TRRAP: variants seen among roughly 807,000 people sequenced by gnomAD.
TRRAP encodes transformation/transcription domain-associated protein.
A neutral mutation model predicts 438.8 loss-of-function variants in TRRAP; 41 were observed. The ratio of observed to expected loss-of-function variants is 0.09; its 90% CI spans 0.07 to 0.12. TRRAP has a LOEUF of 0.12. TRRAP is among the 10% of genes least tolerant of loss of function. The probability of loss-of-function intolerance (pLI) is 1.00; values close to 1 mark genes in which losing one functional copy is unlikely to be tolerated. For synonymous variants in TRRAP, 1,994 were observed against 1,962.9 expected, an observed-to-expected ratio of 1.02 and a Z score of -0.42; for missense variants, 3,122 against 5,055.1, an observed-to-expected ratio of 0.62 and a Z score of 11.60.
chr7:98,943,684 C>T (rs1790907396), intron 31 of TRRAP, among the ~76,000 whole-genome samples: 2 of 152,298 alleles, frequency 1.3e-5, no homozygotes. Context: ...ATGCTTTCTG[C>T]TGTTTTAAAT....
Position 98,882,584 on chromosome 7 carries a change from A to T in TRRAP, c.150+560A>T, listed in dbSNP as rs184152385. The stretch of plus-strand genomic sequence containing the variant: ...CACCATGTTGGTCAGGCTGGCCTTG[A>T]ACTCCTGACCTCAGGTGATCTACCT... On this transcript the variant is annotated intron_variant, in intron 3 of 72. Coordinates refer to ENST00000456197, the MANE Select transcript of TRRAP (RefSeq NM_001375524.1). Among the ~76,000 whole-genome samples the T allele has an allele frequency of 1.7e-3, 251 of 151,978 alleles. 1 individual carries two copies. The highest frequency in any genetic ancestry group is 5.5e-3 in the African/African-American group (226 of 41,454).
chr7:98,917,601 G>A lies in TRRAP; in HGVS notation c.2544G>A (p.Thr848=), dbSNP rs1446951023. ...CATTGGTCAGCCAAGGCCTCAGGAC[G>A]CTGGAGCTGTGTGTGGACAACCTGC... The part of the protein sequence containing the change: ...SQTLVSQGLR[T]LELCVDNLQP... Residue 848 remains threonine, a synonymous_variant, in exon 20 of 73, where the codon ACG becomes ACA. Transcript: ENST00000456197. The A allele has an allele frequency of 5.0e-6, 8 of 1,614,086 alleles. No homozygotes were observed. The highest frequency in any genetic ancestry group is 1.7e-5 in the Admixed American group (1 of 60,002).
intron 23 of TRRAP, among the ~76,000 whole-genome samples, chr7:98,927,908 T>G (rs1548621): frequency 0.71 from 108,087 of 152,062 alleles, 42,571 homozygotes; most frequent in South Asian, 0.88. Context: ...TTGTTCACTT[T>G]TATTTCCGAT....
At chr7:98,946,647 AAC>A (rs1263145277) in intron 33 of TRRAP, among the ~76,000 whole-genome samples, 1 of 151,312 alleles carries the variant, frequency 6.6e-6, no homozygotes, top group Non-Finnish European at 1.5e-5. Context: ...ATGCACTGAC[AAC>A]ACACATGCAC....
At chr7:98,943,371 G>A (rs1554416107) in intron 31 of TRRAP, among the ~76,000 whole-genome samples, 1 of 152,142 alleles carries the variant, frequency 6.6e-6, no homozygotes, top group African/African-American at 2.4e-5. Context: ...ATGGTGGTGC[G>A]TTCCTCAGCT....
At chr7:98,942,030 G>A (rs1381620719) in intron 30 of TRRAP, among the ~76,000 whole-genome samples, 1 of 152,210 alleles carries the variant, frequency 6.6e-6, no homozygotes, top group African/African-American at 2.4e-5. Flanking sequence ...ACAACGCAGG[G>A]TAATAAATAT....
At chr7:99,007,212 C>T (rs1185173441) in intron 69 of TRRAP, among the ~76,000 whole-genome samples, 2 of 152,218 alleles carry the variant, frequency 1.3e-5, no homozygotes, top group African/African-American at 4.8e-5. Flanking sequence ...AAAGATGGGG[C>T]ACAGCCGTCC....
chr7:98,879,168 C>A (rs1473246469), intron 1 of TRRAP, among the ~76,000 whole-genome samples: 2 of 152,136 alleles, frequency 1.3e-5, no homozygotes, highest in Non-Finnish European at 2.9e-5. Flanking sequence ...GGCAGTTTGT[C>A]CCCAGGAGTA....
At chr7:98,927,090 A>C (rs934217909) in intron 22 of TRRAP, 77 bp from the exon 23 acceptor site, 4 of 1,521,894 alleles carry the variant, frequency 2.6e-6, no homozygotes, top group Admixed American at 1.8e-5. Flanking sequence ...CAGATTAAAA[A>C]TTTGAAAAGA....
Position 98,953,301 on chromosome 7 carries a change from C to T in TRRAP, c.5598C>T (p.Arg1866=), listed in dbSNP as rs781855085. ...DNNKNRNSKL[R]RLMTFAWPCL... is the part of the protein sequence containing the mutation. ...ACAAGAACCGCAACAGCAAGCTGCG[C>T]CGCCTCATGACCTTCGCCTGGCCCT... is the stretch of plus-strand genomic sequence containing the variant. The change falls in exon 40 of 73, where the codon CGC becomes CGT. Residue 1866 remains arginine, a synonymous_variant. Coordinates refer to ENST00000456197, the MANE Select transcript of TRRAP (RefSeq NM_001375524.1). The T allele has an allele frequency of 1.9e-6, 3 of 1,614,022 alleles. No homozygotes were observed. Among genetic ancestry groups the T allele is most frequent in the Non-Finnish European group, 2.5e-6 (3 of 1,180,048 alleles).
intron 18 of TRRAP, among the ~76,000 whole-genome samples, chr7:98,912,710 ATT>A (rs751049923): frequency 3.9e-5 from 6 of 152,108 alleles, no homozygotes; most frequent in Non-Finnish European, 8.8e-5. Context: ...AAACGAACTT[ATT>A]AGAAGGAAAA....
At chr7:98,940,666 T>C (rs1417590827) in intron 30 of TRRAP, among the ~76,000 whole-genome samples, 2 of 152,244 alleles carry the variant, frequency 1.3e-5, no homozygotes, top group African/African-American at 2.4e-5. Flanking sequence ...TCCTCCCTTT[T>C]CTGCTCTCTG....
chr7:98,985,475 C>G (rs1029450831), intron 62 of TRRAP, among the ~76,000 whole-genome samples: 1 of 152,344 alleles, frequency 6.6e-6, no homozygotes, highest in Non-Finnish European at 1.5e-5. Flanking sequence ...ACTGATGTTG[C>G]CTGTGACTGC....
chr7:98,895,587 A>G (rs1000674203), intron 6 of TRRAP, among the ~76,000 whole-genome samples, 177 bp from the exon 7 acceptor site: 1 of 151,910 alleles, frequency 6.6e-6, no homozygotes, highest in East Asian at 1.9e-4. Context: ...AGTCCTTTAT[A>G]TTTACTTATT....
chr7:98,949,669 A>G lies in TRRAP; in HGVS notation c.4963A>G (p.Ile1655Val). The change falls in exon 37 of 73, where the codon ATT becomes GTT. Residue 1655 changes from isoleucine to valine, a missense_variant. Ile to Val is a conservative substitution (Grantham distance 29). Coordinates refer to ENST00000456197, the MANE Select transcript of TRRAP (RefSeq NM_001375524.1). ...LQFQAIKIIS[I>V]IVKNDDSWLA... ...ATCTCTTCTTTGACAGATCATAAGC[A>G]TTATAGTGAAAAACGATGACTCCTG... The G allele has an allele frequency of 6.2e-7, 1 of 1,613,354 alleles. No individual in the cohort carries two copies. Among genetic ancestry groups the G allele is most frequent in the Non-Finnish European group, 8.5e-7 (1 of 1,179,700 alleles).
chr7:98,965,738 C>G lies in TRRAP; in HGVS notation c.7019C>G (p.Thr2340Arg). 2 of 1,614,066 alleles carry G rather than the reference C, an allele frequency of 1.2e-6. No homozygotes were observed. The highest frequency in any genetic ancestry group is 1.7e-6 in the Non-Finnish European group (2 of 1,180,030). ...LVMLSLELVK[T>R]RLAVMSMEMR... ...ATGCTGAGTCTGGAGCTGGTGAAGA[C>G]GCGCCTGGCAGTGATGAGCATGGAG... The change falls in exon 49 of 73, where the codon ACG becomes AGG. Residue 2340 changes from threonine to arginine, a missense_variant. Transcript: ENST00000456197.
intron 38 of TRRAP, 47 bp from the exon 39 acceptor site, chr7:98,950,829 C>T: frequency 6.8e-7 from 1 of 1,477,904 alleles, no homozygotes; most frequent in Non-Finnish European, 9.0e-7. Context: ...AAGAAACAAA[C>T]AGCATGGCTT....
In TRRAP at chr7:98,973,805, A is replaced by G. The variant is rs552808518; in HGVS notation, c.7839+1860A>G. Among the ~76,000 whole-genome samples the G allele has an allele frequency of 1.2e-3, 185 of 152,326 alleles. 1 individual carries two copies. Among genetic ancestry groups the G allele is most frequent in the African/African-American group, 3.9e-3 (163 of 41,568 alleles). On this transcript the variant is annotated intron_variant, in intron 53 of 72. Transcript: ENST00000456197. ...CTCAGTGCCCAGCACAGGTGGGCACACCATCACCCCTGAGCCTGGTGTGCC... is the reference window on the plus strand; with the variant it reads ...CTCAGTGCCCAGCACAGGTGGGCACGCCATCACCCCTGAGCCTGGTGTGCC...
intron 63 of TRRAP, among the ~76,000 whole-genome samples, chr7:98,990,123 G>A (rs1015541654): frequency 3.9e-5 from 6 of 152,198 alleles, no homozygotes; most frequent in African/African-American, 7.2e-5. Context: ...AGCTACTGGG[G>A]AGGCTGAGGC....
Sources: allele counts gnomAD v4.1 joint callset (sites outside exome capture counted in the v4.1 genomes callset), GRCh38; gene constraint gnomAD v4.1.1; transcripts MANE v1.5; gene names NCBI Gene and HGNC (gene_info 2026-07-23, HGNC 2026-07-21).